PCNT: variants seen among roughly 807,000 people sequenced by gnomAD.
The protein encoded by PCNT is kendrin.
In PCNT, 319 loss-of-function variants were observed where a neutral mutation model predicts 380.4. The ratio of observed to expected loss-of-function variants is 0.84; its 90% CI spans 0.77 to 0.92. The LOEUF is 0.92. Ranked by LOEUF, PCNT falls within the 40% of genes least tolerant of loss-of-function variation. The pLI is 0.00. For synonymous variants in PCNT, 1,845 were observed against 1,735.2 expected, an observed-to-expected ratio of 1.06 and a Z score of -1.57; for missense variants, 4,400 against 4,255.3, an observed-to-expected ratio of 1.03 and a Z score of -0.95.
In PCNT at chr21:46,391,404, T is replaced by C. The variant is rs565395623; in HGVS notation, c.4216+28T>C. 5.9e-6 allele frequency: 9 copies of C among 1,530,464 alleles called. No individual in the cohort carries two copies. In the African/African-American group the frequency reaches 1.2e-4, roughly 21 times the overall value. The allele number at this position is 1,530,464 out of a possible 1,614,324, so 94.8% of individuals were successfully genotyped here. On this transcript the variant is annotated intron_variant, in intron 21 of 46. Coordinates refer to ENST00000359568, the MANE Select transcript of PCNT (RefSeq NM_006031.6). ...AAGGAGCGCGGGCTGTGGAGGGTGG[T>C]GCGAGCTGTGGGGCGCGGATACAGC... is the stretch of plus-strand genomic sequence containing the variant.
At chr21:46,370,658 G>T (rs2085089850) in intron 15 of PCNT, among the ~76,000 whole-genome samples, 1 of 152,048 alleles carries the variant, frequency 6.6e-6, no homozygotes. Flanking sequence ...GTAATCCCAG[G>T]GCTTCGGGAG....
At chr21:46,387,365 C>T (rs994997073) in intron 17 of PCNT, among the ~76,000 whole-genome samples, 31 of 152,054 alleles carry the variant, frequency 2.0e-4, no homozygotes, top group Non-Finnish European at 1.5e-4. Context: ...AGTGGGCGAG[C>T]GAGAGCTCTA....
At chr21:46,350,417 A>G (rs2084224713) in intron 8 of PCNT, among the ~76,000 whole-genome samples, 1 of 152,150 alleles carries the variant, frequency 6.6e-6, no homozygotes, top group African/African-American at 2.4e-5. Flanking sequence ...AGGAAAAGTT[A>G]ACAAGCATTT....
intron 3 of PCNT, 115 bp downstream of exon 3, chr21:46,334,883 G>A (rs1601761242): frequency 1.3e-6 from 2 of 1,513,434 alleles, no homozygotes; most frequent in East Asian, 2.4e-5. Flanking sequence ...CTTTAGAAGT[G>A]GAAACTGGAA....
intron 15 of PCNT, among the ~76,000 whole-genome samples, chr21:46,379,707 G>C (rs1047974381): frequency 6.6e-6 from 1 of 152,056 alleles, no homozygotes; most frequent in Non-Finnish European, 1.5e-5. Flanking sequence ...CTGCCTGCTC[G>C]AGTCTGCTGC....
chr21:46,390,860 T>C, intron 20 of PCNT, 28 bp downstream of exon 20: 1 of 1,599,634 alleles, frequency 6.3e-7, no homozygotes. Context: ...TCGGGGCACC[T>C]GGAGCACAGG....
At position 46,324,180 on chromosome 21, in the gene PCNT, C is replaced by T. The variant is rs1171144777; in HGVS notation, c.-49C>T. On this transcript the variant is annotated 5_prime_UTR_variant, in exon 1 of 47. Coordinates refer to ENST00000359568, the MANE Select transcript of PCNT (RefSeq NM_006031.6). ...GAGTGTAAATAGAGCGAAGGCTGCT[C>T]TGTGTCAGCCCCGTCACCGCCGGGC... The T allele has an allele frequency of 5.3e-6, 8 of 1,522,596 alleles. No homozygotes were observed. Among genetic ancestry groups the T allele is most frequent in the Non-Finnish European group, 7.2e-6 (8 of 1,105,822 alleles). The allele number at this position is 1,522,596 out of a possible 1,614,324, so 94.3% of individuals were successfully genotyped here.
chr21:46,377,039 C>CG (rs34538603), intron 15 of PCNT, among the ~76,000 whole-genome samples: 3 of 152,116 alleles, frequency 2.0e-5, no homozygotes, highest in Middle Eastern at 3.4e-3. Context: ...CAGGCCGGCG[C>CG]GGGGGGCACC....
intron 4 of PCNT, 122 bp from the exon 5 acceptor site, chr21:46,346,621 G>T: frequency 1.6e-6 from 2 of 1,264,970 alleles, no homozygotes; most frequent in East Asian, 5.1e-5. Flanking sequence ...CTGCTTCCAC[G>T]GGATGTCTGC....
rs1324336892 is a variant in PCNT at position 46,347,270 on chromosome 21, G to A, written c.977-187G>A. Among the ~76,000 whole-genome samples the A allele has an allele frequency of 2.6e-5, 4 of 152,172 alleles. No homozygotes were observed. In the East Asian group the frequency reaches 7.7e-4, roughly 29 times the overall value. ...TTCACCTCCTCTCTTAGATCGTCCTGTGTGTCTGGAAGTCACGGTGTCCTC... is the reference window on the plus strand; with the variant it reads ...TTCACCTCCTCTCTTAGATCGTCCTATGTGTCTGGAAGTCACGGTGTCCTC... On this transcript the variant is annotated intron_variant, in intron 5 of 46. Transcript: ENST00000359568.
intron 13 of PCNT, among the ~76,000 whole-genome samples, chr21:46,358,855 C>T (rs1230467269): frequency 5.3e-5 from 8 of 149,626 alleles, no homozygotes; most frequent in Non-Finnish European, 1.2e-4. Context: ...GGCTGGAGCG[C>T]GGTGGCGCAA....
intron 13 of PCNT, among the ~76,000 whole-genome samples, chr21:46,359,171 T>C (rs1197399334): frequency 6.6e-6 from 1 of 151,960 alleles, no homozygotes; most frequent in Non-Finnish European, 1.5e-5. Context: ...CAGGCTGGTC[T>C]CAAACTCCTG....
At chr21:46,443,274 A>T (rs934383209) in intron 44 of PCNT, 2 of 164,506 alleles carry the variant, frequency 1.2e-5, no homozygotes, top group Admixed American at 5.8e-5. Context: ...CTCGAGTGCA[A>T]TGGCACAGTC....
Position 46,423,884 on chromosome 21 carries a change from C to T in PCNT, c.7179+1760C>T, listed in dbSNP as rs182797660. ...AGGAGGAACTGCTGTCCAGGGAGCA[C>T]CTCCAGCTTTGAAAGGTCCCAAGTC... On this transcript the variant is annotated intron_variant, in intron 32 of 46. Coordinates refer to ENST00000359568, the MANE Select transcript of PCNT (RefSeq NM_006031.6). 3.1e-3 allele frequency among the ~76,000 whole-genome samples: 465 copies of T among 150,124 alleles called. 4 individuals are homozygous for T. The highest frequency in any genetic ancestry group is 0.011 in the East Asian group (53 of 5,028).
At position 46,372,309 on chromosome 21, in the gene PCNT, A is replaced by G. The variant is rs1055064447; in HGVS notation, c.3165+5170A>G. 4.7e-4 allele frequency among the ~76,000 whole-genome samples: 72 copies of G among 152,162 alleles called. No homozygotes were observed. In the Middle Eastern group the frequency reaches 0.01, roughly 22 times the overall value. On this transcript the variant is annotated intron_variant, in intron 15 of 46. Coordinates refer to ENST00000359568, the MANE Select transcript of PCNT (RefSeq NM_006031.6). ...CAGCACATACACATAGCAGATGTGC[A>G]CACAGCACGCACACACAACACGTGC...
intron 13 of PCNT, among the ~76,000 whole-genome samples, 168 bp downstream of exon 13, chr21:46,357,359 C>T (rs139934442): frequency 1.3e-5 from 2 of 152,362 alleles, no homozygotes; most frequent in African/African-American, 4.8e-5. Flanking sequence ...CTATTCCTGG[C>T]AATGCCAGTA....
Position 46,357,008 on chromosome 21 carries a change from C to G in PCNT, c.1971C>G (p.Asp657Glu), listed in dbSNP as rs150892737. 9.5e-5 allele frequency: 154 copies of G among 1,614,038 alleles called. No individual in the cohort carries two copies. The highest frequency in any genetic ancestry group is 1.3e-4 in the Non-Finnish European group (149 of 1,180,034). ...GGGTGCATCTCCAGGGTGTGCAGGA[C>G]GGGGACTTGGAGGCCGACACAGAGC... Reference protein sequence around the residue: ...LPWVHLQGVQDGDLEADTERA... With the variant: ...LPWVHLQGVQEGDLEADTERA... The change falls in exon 13 of 47, where the codon GAC becomes GAG. Residue 657 changes from aspartate (D) to glutamate (E), a missense_variant. Asp to Glu is a conservative substitution (Grantham distance 45). Transcript: ENST00000359568.
chr21:46,416,783 CT>C lies in PCNT; in HGVS notation c.6866del (p.Leu2289ArgfsTer37). 1 of 1,602,270 alleles carries C rather than the reference CT, an allele frequency of 6.2e-7. No individual in the cohort carries two copies. The highest frequency in any genetic ancestry group is 8.5e-7 in the Non-Finnish European group (1 of 1,178,930). ...AGGCGTGTCTGCAGCAGCGCTGGCA[CT>C]GCAGTGGGCCGAGTCTCCGCCGGCT... is the stretch of plus-strand genomic sequence containing the variant. Reference protein sequence around the residue: ...SPGVSAAALALQWAESPPADD... With the variant: ...SPGVSAAALAXQWAESPPADD... On this transcript the variant is annotated frameshift_variant, in exon 30 of 47. Coordinates refer to ENST00000359568, the MANE Select transcript of PCNT (RefSeq NM_006031.6). LOFTEE classifies it high-confidence loss of function.
intron 2 of PCNT, among the ~76,000 whole-genome samples, chr21:46,333,587 A>C (rs2083626193): frequency 1.3e-5 from 2 of 151,352 alleles, no homozygotes; most frequent in South Asian, 4.2e-4. Flanking sequence ...CGACGGAGTG[A>C]AACTTTGTCT....
Sources: gnomAD v4.1 joint callset for allele counts (sites outside exome capture counted in the v4.1 genomes callset) on GRCh38, gnomAD v4.1.1 for gene constraint, MANE v1.5 for transcripts, NCBI Gene and HGNC (gene_info 2026-07-23, HGNC 2026-07-21) for gene names.